The following LDHB variants were observed in gnomAD, a reference collection of about 807,000 sequenced individuals.
LDHB encodes the protein L-lactate dehydrogenase B chain.
A neutral mutation model predicts 33.4 loss-of-function variants in LDHB; 18 were observed. The ratio of observed to expected loss-of-function variants is 0.54; its 90% CI spans 0.37 to 0.80. The LOEUF (loss-of-function observed/expected upper bound fraction) is 0.80. Ranked by LOEUF, LDHB falls within the 30% of genes least tolerant of loss-of-function variation. The pLI, the probability that LDHB is intolerant of heterozygous loss-of-function variation, is 0.00. For missense variants in LDHB, 345 were observed against 407.9 expected (o/e 0.85, Z 1.33); for synonymous variants, 121 against 140.6 (o/e 0.86, Z 0.98).
chr12:21,640,029 T>C (rs1938327271), intron 5 of LDHB, among the ~76,000 whole-genome samples: 1 of 151,994 alleles, frequency 6.6e-6, no homozygotes, highest in African/African-American at 2.4e-5. Context: ...TCTGAGCTTA[T>C]TGGGAGAAAA....
chr12:21,640,855 A>T (rs1357414432), intron 5 of LDHB, among the ~76,000 whole-genome samples: 1 of 152,080 alleles, frequency 6.6e-6, no homozygotes, highest in Non-Finnish European at 1.5e-5. Context: ...AAAAGACGTA[A>T]GAGTCAGTTT....
chr12:21,646,470 A>G (rs1269086626), intron 3 of LDHB, among the ~76,000 whole-genome samples: 2 of 152,222 alleles, frequency 1.3e-5, no homozygotes, highest in Non-Finnish European at 2.9e-5. Context: ...AACGGATGAA[A>G]GAAAATTGGC....
At position 21,638,396 on chromosome 12, in the gene LDHB, C is replaced by G. The variant is rs758872797; in HGVS notation, c.670G>C (p.Asp224His). 1.2e-6 allele frequency: 2 copies of G among 1,611,188 alleles called. No individual in the cohort carries two copies. Among genetic ancestry groups the G allele is most frequent in the African/African-American group, 2.7e-5 (2 of 74,754 alleles). Residue 224 changes from aspartate (D) to histidine (H), a missense_variant, in exon 6 of 8, where the codon GAT (aspartate) becomes CAT (histidine). Physicochemically the swap from Asp to His is moderately conservative, Grantham distance 81. Coordinates refer to ENST00000350669, the MANE Select transcript of LDHB (RefSeq NM_002300.8). ...TGCACTTCCTTCCAATTTTCACTAT[C>G]ATTGTCAGTTCCCATTTCTGGATTC... ...ELNPEMGTDNDSENWKEVHKM... is the reference protein window; with the variant it reads ...ELNPEMGTDNHSENWKEVHKM...
intron 5 of LDHB, among the ~76,000 whole-genome samples, chr12:21,638,945 A>G (rs985474584): frequency 6.6e-6 from 1 of 151,990 alleles, no homozygotes; most frequent in Non-Finnish European, 1.5e-5. Flanking sequence ...ATAAGGGTCT[A>G]CTTAATTTAA....
At chr12:21,644,433 A>AAAAAAC (rs1565627614) in intron 3 of LDHB, among the ~76,000 whole-genome samples, 25 of 141,072 alleles carry the variant, frequency 1.8e-4, no homozygotes, top group African/African-American at 6.0e-4. Context: ...TCAAAAAAAA[A>AAAAAAC]AAAAAAAAAA....
chr12:21,644,958 A>G (rs1938479920), intron 3 of LDHB, among the ~76,000 whole-genome samples: 1 of 152,214 alleles, frequency 6.6e-6, no homozygotes, highest in South Asian at 2.1e-4. Context: ...GAAAAGAAAG[A>G]GAGATCAGAC....
At chr12:21,637,730 T>G in intron 6 of LDHB, among the ~76,000 whole-genome samples, 1 of 152,108 alleles carries the variant, frequency 6.6e-6, no homozygotes, top group South Asian at 2.1e-4. Context: ...ATTGGAAAAT[T>G]AGGATTTAAT....
chr12:21,638,191 G>C (rs1938269293), intron 6 of LDHB, among the ~76,000 whole-genome samples, 162 bp downstream of exon 6: 1 of 152,000 alleles, frequency 6.6e-6, no homozygotes, highest in African/African-American at 2.4e-5. Flanking sequence ...GACTGGCATA[G>C]CAAGTTTGAC....
rs1938447446 is a variant in LDHB, at chr12:21,644,069, G to GT, written c.286dup (p.Thr96AsnfsTer21). ...CCCTTCTTGCTGACGGACTCCTGCA[G>GT]TTACCACTACAATCTTAGAATTGGC... is the stretch of plus-strand genomic sequence containing the variant. On this transcript the variant is annotated frameshift_variant, in exon 4 of 8. Transcript: ENST00000350669. LOFTEE classifies it high-confidence loss of function. 6.2e-7 allele frequency: 1 copy of GT among 1,613,426 alleles called. No individual in the cohort carries two copies. Among genetic ancestry groups the GT allele is most frequent in the Non-Finnish European group, 8.5e-7 (1 of 1,179,448 alleles).
intron 6 of LDHB, chr12:21,637,444 A>C (rs1938249517): frequency 2.9e-6 from 1 of 345,698 alleles, no homozygotes; most frequent in East Asian, 5.3e-5. Flanking sequence ...GTTAAGATTT[A>C]TAAAGTCACT....
At chr12:21,643,889 A>C in intron 4 of LDHB, 46 bp downstream of exon 4, 1 of 1,432,658 alleles carries the variant, frequency 7.0e-7, no homozygotes, top group African/African-American at 1.4e-5. Flanking sequence ...AGAAACACCA[A>C]AACACTGAAC....
At chr12:21,657,004 C>G (rs1938866973) in intron 1 of LDHB, 1 of 43,456 alleles carries the variant, frequency 2.3e-5, no homozygotes, top group South Asian at 1.6e-3. Context: ...TTGTACTGCT[C>G]GCGGTGCGCA....
intron 2 of LDHB, among the ~76,000 whole-genome samples, chr12:21,650,714 G>T (rs1200391574): frequency 6.6e-6 from 1 of 152,194 alleles, no homozygotes; most frequent in Non-Finnish European, 1.5e-5. Flanking sequence ...GACCAAGTTT[G>T]ACAAAACATG....
At chr12:21,636,971 C>A in intron 7 of LDHB, 100 bp downstream of exon 7, 1 of 1,052,292 alleles carries the variant, frequency 9.5e-7, no homozygotes, top group Non-Finnish European at 1.5e-6. Flanking sequence ...CAGAAATAAC[C>A]TTGAACTATG....
chr12:21,654,193 G>C (rs1055662130), intron 2 of LDHB, among the ~76,000 whole-genome samples: 1 of 152,192 alleles, frequency 6.6e-6, no homozygotes, highest in African/African-American at 2.4e-5. Flanking sequence ...ATGAAGAGAC[G>C]TAAGTATATG....
At chr12:21,644,446 C>CAAAAA (rs374761135) in intron 3 of LDHB, among the ~76,000 whole-genome samples, 8 of 108,844 alleles carry the variant, frequency 7.3e-5, no homozygotes, top group East Asian at 5.3e-4. Context: ...AAAAAAAAAA[C>CAAAAA]AAAAACAAAA....
intron 3 of LDHB, 60 bp downstream of exon 3, chr12:21,646,826 TAAGATGCATTCCA>T (rs1309639849): frequency 8.2e-6 from 7 of 850,194 alleles, no homozygotes; most frequent in Non-Finnish European, 1.4e-5. Context: ...TATTATGCTG[TAAGATGCATTCCA>T]AATGTGTTTT....
intron 4 of LDHB, 24 bp from the exon 5 acceptor site, chr12:21,642,149 T>C (rs371209974): frequency 1.8e-5 from 28 of 1,595,890 alleles, no homozygotes; most frequent in Admixed American, 5.0e-5. Context: ...AAATAATATA[T>C]GTAAGTAAAC....
intron 5 of LDHB, among the ~76,000 whole-genome samples, chr12:21,640,386 T>C (rs1938342213): frequency 6.6e-6 from 1 of 151,950 alleles, no homozygotes; most frequent in African/African-American, 2.4e-5. Context: ...TTGCTCTTTT[T>C]GAATTACTAA....
Sources: gnomAD v4.1 joint callset for allele counts (sites outside exome capture counted in the v4.1 genomes callset) on GRCh38, gnomAD v4.1.1 for gene constraint, MANE v1.5 for transcripts, NCBI Gene and HGNC (gene_info 2026-07-23, HGNC 2026-07-21) for gene names.